NUP155: variants seen among roughly 807,000 people sequenced by gnomAD.
The protein encoded by NUP155 is nucleoporin 155, also known as nuclear pore complex protein Nup155.
In NUP155, 71 loss-of-function variants were observed where a neutral mutation model predicts 180.4. The observed-to-expected ratio is 0.39, with a 90% CI of 0.33 to 0.48. The LOEUF (loss-of-function observed/expected upper bound fraction) is 0.48, where lower values mean the gene tolerates loss of function less well. NUP155 is among the 20% of genes least tolerant of loss of function. The pLI, the probability that NUP155 is intolerant of heterozygous loss-of-function variation, is 0.91. For synonymous variants in NUP155, 582 were observed against 559.5 expected (o/e 1.04, Z -0.57); for missense variants, 1,553 against 1,648.9 (o/e 0.94, Z 1.01).
chr5:37,298,883 G>A lies in NUP155; in HGVS notation c.3778C>T (p.Arg1260Cys), dbSNP rs764447032. The stretch of plus-strand genomic sequence containing the variant: ...CACAGCTTACCTAAAGGAAAGAAGC[G>A]TGGTGTGCCAGCATAAATTTTGCCA... ...LLGKIYAGTPRFFPLDFIVQF... is the reference protein window; with the variant it reads ...LLGKIYAGTPCFFPLDFIVQF... Residue 1260 changes from arginine (R) to cysteine (C), a missense_variant, in exon 32 of 35, where the codon CGC (arginine) becomes TGC (cysteine). Coordinates refer to ENST00000231498, the MANE Select transcript of NUP155 (RefSeq NM_153485.3). 2.5e-6 allele frequency: 4 copies of A among 1,597,846 alleles called. No individual in the cohort carries two copies. Among genetic ancestry groups the A allele is most frequent in the East Asian group, 2.2e-5 (1 of 44,800 alleles).
intron 1 of NUP155, among the ~76,000 whole-genome samples, chr5:37,366,962 T>C (rs933845156): frequency 6.6e-6 from 1 of 151,770 alleles, no homozygotes; most frequent in African/African-American, 2.4e-5. Flanking sequence ...TCTCAATCTC[T>C]TGACCTCGTA....
At chr5:37,328,092 G>A (rs563516083) in intron 17 of NUP155, among the ~76,000 whole-genome samples, 2 of 152,328 alleles carry the variant, frequency 1.3e-5, no homozygotes, top group East Asian at 3.9e-4. Context: ...TGCTGACAGT[G>A]AAATAGAACT....
chr5:37,326,912 T>C (rs893103053), intron 18 of NUP155, among the ~76,000 whole-genome samples: 5 of 152,144 alleles, frequency 3.3e-5, no homozygotes, highest in African/African-American at 1.2e-4. Context: ...TATACACAGA[T>C]TTTTTTCCCA....
intron 1 of NUP155, among the ~76,000 whole-genome samples, chr5:37,370,397 G>A (rs1020900545): frequency 4.0e-4 from 61 of 152,296 alleles, no homozygotes; most frequent in African/African-American, 1.4e-3. Context: ...TAAATATAAA[G>A]CAAAGCGTAT....
At chr5:37,305,430 C>T (rs370611249) in intron 25 of NUP155, among the ~76,000 whole-genome samples, 2 of 152,208 alleles carry the variant, frequency 1.3e-5, no homozygotes, top group East Asian at 1.9e-4. Flanking sequence ...ACCTGTAATC[C>T]CAGCACTCTG....
chr5:37,303,444 T>G (rs766471393), intron 27 of NUP155, 30 bp from the exon 28 acceptor site: 30 of 1,589,070 alleles, frequency 1.9e-5, no homozygotes, highest in Non-Finnish European at 2.6e-5. Flanking sequence ...TCAGAAAAAT[T>G]TTCTAACCAC....
intron 9 of NUP155, among the ~76,000 whole-genome samples, chr5:37,343,955 A>G (rs1745911952): frequency 6.6e-6 from 1 of 152,154 alleles, no homozygotes; most frequent in Non-Finnish European, 1.5e-5. Flanking sequence ...AATCACCTCA[A>G]TGAAGCTTTC....
intron 5 of NUP155, 44 bp from the exon 6 acceptor site, chr5:37,351,400 C>G (rs1231225621): frequency 7.3e-7 from 1 of 1,368,872 alleles, no homozygotes; most frequent in Non-Finnish European, 1.0e-6. Context: ...AGCTACTCCA[C>G]AGTTTTTAAA....
Position 37,351,281 on chromosome 5 carries a change from T to G in NUP155, c.632A>C (p.Asp211Ala). The change falls in exon 6 of 35, where the codon GAT (aspartate) becomes GCT (alanine). Residue 211 changes from aspartate to alanine, a missense_variant. Asp to Ala is a moderately radical substitution (Grantham distance 126). Transcript: ENST00000231498. Reference sequence around the variant, plus strand: ...AGTTATTGTTAAAAGGTAAGTATTATCAGTAGGAAGAGAATATAAAGGATC... The same window carrying G: ...AGTTATTGTTAAAAGGTAAGTATTAGCAGTAGGAAGAGAATATAAAGGATC... ...LPDPLYSLPT[D>A]NTYLLTITST... 1 of 1,612,752 alleles carries G rather than the reference T, an allele frequency of 6.2e-7. No individual in the cohort carries two copies. Among genetic ancestry groups the G allele is most frequent in the Non-Finnish European group, 8.5e-7 (1 of 1,178,928 alleles).
At chr5:37,362,578 A>T (rs1353832269) in intron 3 of NUP155, among the ~76,000 whole-genome samples, 2 of 152,098 alleles carry the variant, frequency 1.3e-5, no homozygotes, top group African/African-American at 4.8e-5. Context: ...ATGAGCCACC[A>T]TGCCCAGCCG....
At position 37,337,686 on chromosome 5, in the gene NUP155, CT is replaced by C. The variant is rs1745423549; in HGVS notation, c.1347+131del. On this transcript the variant is annotated intron_variant, in intron 12 of 34. Transcript: ENST00000231498. Reference sequence around the variant, plus strand: ...AAACAAATAATTGACAGGATAATTTCTTTACTTTATAATTTCTAATAATACG... The same window carrying C: ...AAACAAATAATTGACAGGATAATTTCTTACTTTATAATTTCTAATAATACG... 1.8e-5 allele frequency: 11 copies of C among 611,110 alleles called. No homozygotes were observed. The South Asian group carries it at 2.4e-4, about 13-fold the overall frequency. The allele number at this position is 611,110 out of a possible 1,614,324, so 37.9% of individuals were successfully genotyped here. A position where few individuals can be genotyped will look rare whatever the true frequency, so the allele number is the denominator to read the frequency against.
chr5:37,343,634 T>C (rs1440657921), intron 9 of NUP155, among the ~76,000 whole-genome samples: 3 of 152,104 alleles, frequency 2.0e-5, no homozygotes, highest in Admixed American at 2.0e-4. Flanking sequence ...CTCACGCCTG[T>C]AATTCCAGCA....
chr5:37,309,917 G>A (rs1743418006), intron 23 of NUP155, among the ~76,000 whole-genome samples: 2 of 151,906 alleles, frequency 1.3e-5, no homozygotes, highest in South Asian at 2.1e-4. Context: ...GTGTGATGGT[G>A]CACACCTGTA....
At chr5:37,355,530 A>G (rs1746758188) in intron 4 of NUP155, among the ~76,000 whole-genome samples, 1 of 147,536 alleles carries the variant, frequency 6.8e-6, no homozygotes, top group South Asian at 2.1e-4. Flanking sequence ...GTACGGTTAA[A>G]GAATGTGTGT....
chr5:37,363,766 C>A, intron 3 of NUP155, 122 bp downstream of exon 3: 2 of 711,400 alleles, frequency 2.8e-6, no homozygotes, highest in Non-Finnish European at 5.1e-6. Context: ...TACTGAGAAG[C>A]ACTGACCCAA....
At chr5:37,364,530 C>T in intron 1 of NUP155, 146 bp from the exon 2 acceptor site, 1 of 720,936 alleles carries the variant, frequency 1.4e-6, no homozygotes, top group Non-Finnish European at 2.5e-6. Flanking sequence ...ACAAAGTAGT[C>T]CTGAAATATT....
chr5:37,368,280 C>A (rs891606756), intron 1 of NUP155, among the ~76,000 whole-genome samples: 1 of 140,204 alleles, frequency 7.1e-6, no homozygotes, highest in African/African-American at 2.8e-5. Flanking sequence ...AGTGCAGCGG[C>A]GCAATCACAG....
intron 8 of NUP155, among the ~76,000 whole-genome samples, 182 bp downstream of exon 8, chr5:37,348,990 A>G (rs928259921): frequency 6.6e-6 from 1 of 151,768 alleles, no homozygotes; most frequent in African/African-American, 2.4e-5. Context: ...TCCAGACCTC[A>G]GGTGATCCGC....
intron 4 of NUP155, among the ~76,000 whole-genome samples, chr5:37,353,228 G>A (rs541302504): frequency 6.6e-6 from 1 of 151,646 alleles, no homozygotes; most frequent in African/African-American, 2.4e-5. Context: ...AGTGTCCATC[G>A]ATAGATGCAT....
Sources: gnomAD v4.1 joint callset for allele counts (sites outside exome capture counted in the v4.1 genomes callset) on GRCh38, gnomAD v4.1.1 for gene constraint, MANE v1.5 for transcripts, NCBI Gene and HGNC (gene_info 2026-07-23, HGNC 2026-07-21) for gene names.